Variants in ELMO1 observed in about 807,000 individuals in gnomAD.
ELMO1 encodes the protein engulfment and cell motility protein 1.
In ELMO1, 26 loss-of-function variants were observed where a neutral mutation model predicts 98.9. The observed-to-expected ratio is 0.26, with a 90% CI of 0.19 to 0.36. ELMO1 has a LOEUF of 0.36. Among genes scored for constraint, ELMO1 ranks in the 10% least tolerant of loss-of-function variants. The pLI is 1.00. For synonymous variants in ELMO1, 346 were observed against 346.0 expected (o/e 1.00, Z 0.00); for missense variants, 627 against 935.2 (o/e 0.67, Z 4.30).
At chr7:37,226,827 A>G (rs1563089085) in intron 8 of ELMO1, among the ~76,000 whole-genome samples, 2 of 152,296 alleles carry the variant, frequency 1.3e-5, no homozygotes, top group East Asian at 3.9e-4. Context: ...GATCCATTTC[A>G]GTAACATGCA....
intron 13 of ELMO1, chr7:37,211,175 A>T (rs1285173873): frequency 3.3e-6 from 2 of 606,564 alleles, no homozygotes; most frequent in Admixed American, 6.4e-5. Flanking sequence ...CAAATGCAGT[A>T]TTAGTCACAC....
At chr7:37,122,138 A>G (rs534944122) in intron 14 of ELMO1, among the ~76,000 whole-genome samples, 7 of 152,214 alleles carry the variant, frequency 4.6e-5, no homozygotes, top group Non-Finnish European at 8.8e-5. Flanking sequence ...TGAAGGAAGC[A>G]CTAAACATGG....
chr7:37,295,188 T>C (rs1042669788), intron 4 of ELMO1, among the ~76,000 whole-genome samples: 3 of 152,192 alleles, frequency 2.0e-5, no homozygotes, highest in African/African-American at 7.2e-5. Context: ...AATTTCAGGC[T>C]ACTACTTACC....
At chr7:37,297,867 TAAGTCTA>T (rs1798122459) in intron 4 of ELMO1, among the ~76,000 whole-genome samples, 1 of 152,238 alleles carries the variant, frequency 6.6e-6, no homozygotes, top group Non-Finnish European at 1.5e-5. Context: ...TGCTATATAT[TAAGTCTA>T]GAGCTGTGAA....
chr7:37,321,724 A>AAAAAAAAAAAAAC, intron 2 of ELMO1, among the ~76,000 whole-genome samples: 1 of 148,800 alleles, frequency 6.7e-6, no homozygotes, highest in African/African-American at 2.5e-5. Flanking sequence ...CTCAAAAAAA[A>AAAAAAAAAAAAAC]AAAAAAAAAA....
intron 15 of ELMO1, among the ~76,000 whole-genome samples, chr7:37,039,160 C>A (rs962543064): frequency 6.6e-6 from 1 of 152,116 alleles, no homozygotes; most frequent in African/African-American, 2.4e-5. Flanking sequence ...TTTGCAAGGA[C>A]AACCACATGG....
At chr7:37,290,049 A>T (rs930510553) in intron 4 of ELMO1, among the ~76,000 whole-genome samples, 1 of 152,208 alleles carries the variant, frequency 6.6e-6, no homozygotes, top group Admixed American at 6.5e-5. Context: ...CGCTAATTCA[A>T]TTAGGATGGG....
chr7:37,157,387 C>A (rs556254944), intron 13 of ELMO1, among the ~76,000 whole-genome samples: 2 of 152,284 alleles, frequency 1.3e-5, no homozygotes, highest in African/African-American at 4.8e-5. Context: ...TCTCTGCTTG[C>A]AGATGACATG....
chr7:37,097,878 G>A (rs1049501328), intron 14 of ELMO1, among the ~76,000 whole-genome samples: 5 of 152,128 alleles, frequency 3.3e-5, no homozygotes, highest in South Asian at 4.1e-4. Flanking sequence ...TTCCCCTTTC[G>A]TTGCTCAATC....
intron 16 of ELMO1, among the ~76,000 whole-genome samples, chr7:36,920,632 TA>T (rs1160014760): frequency 6.6e-6 from 1 of 152,186 alleles, no homozygotes; most frequent in East Asian, 1.9e-4. Context: ...GAAAGGCTTT[TA>T]AAAAAATCTG....
intron 2 of ELMO1, among the ~76,000 whole-genome samples, chr7:37,336,762 A>G (rs890245789): frequency 6.6e-5 from 10 of 152,206 alleles, no homozygotes; most frequent in Non-Finnish European, 1.2e-4. Context: ...GGAGCCCTGT[A>G]GAGAGGTAAA....
At chr7:37,078,368 A>T (rs1797695602) in intron 15 of ELMO1, among the ~76,000 whole-genome samples, 1 of 152,176 alleles carries the variant, frequency 6.6e-6, no homozygotes, top group Admixed American at 6.5e-5. Context: ...CTCTATCATA[A>T]ATATGCATAA....
At chr7:37,246,791 A>ATAGATAGATAGATAGATAG (rs1562550743) in intron 6 of ELMO1, among the ~76,000 whole-genome samples, 1 of 145,736 alleles carries the variant, frequency 6.9e-6, no homozygotes, top group African/African-American at 2.7e-5. Flanking sequence ...TAGATAGATA[A>ATAGATAGATAGATAGATAG]ACAGACAGAT....
intron 13 of ELMO1, among the ~76,000 whole-genome samples, chr7:37,157,132 C>T (rs1788832087): frequency 6.6e-6 from 1 of 152,196 alleles, no homozygotes; most frequent in Admixed American, 6.5e-5. Flanking sequence ...ATGCTAAAAA[C>T]TCTCAATAAA....
chr7:37,240,865 T>G (rs1232381506), intron 7 of ELMO1, among the ~76,000 whole-genome samples: 1 of 152,180 alleles, frequency 6.6e-6, no homozygotes, highest in African/African-American at 2.4e-5. Context: ...ATTTGAAAAT[T>G]CTTGAGCCTT....
intron 1 of ELMO1, among the ~76,000 whole-genome samples, chr7:37,352,230 T>C (rs566034156): frequency 2.6e-5 from 4 of 152,286 alleles, no homozygotes; most frequent in East Asian, 1.9e-4. Flanking sequence ...CAGAATGAAA[T>C]CTACATGTCT....
chr7:36,979,637 G>A (rs1790877014), intron 16 of ELMO1, among the ~76,000 whole-genome samples: 1 of 152,216 alleles, frequency 6.6e-6, no homozygotes, highest in South Asian at 2.1e-4. Context: ...GCATTAAGTA[G>A]TCTAGGTCTA....
intron 16 of ELMO1, among the ~76,000 whole-genome samples, chr7:36,973,848 T>C (rs1430486789): frequency 6.6e-6 from 1 of 152,232 alleles, no homozygotes; most frequent in Non-Finnish European, 1.5e-5. Flanking sequence ...CAGCCGGCCC[T>C]GCCGTTGCCG....
rs536954701 is a variant in ELMO1, at chr7:37,384,690, G to A, written c.-73-41927C>T. Among the ~76,000 whole-genome samples the A allele has an allele frequency of 7.2e-5, 11 of 151,844 alleles. 1 individual carries two copies. The highest frequency in any genetic ancestry group is 1.9e-4 in the African/African-American group (8 of 41,382). ...AGCCGAGATAGAGCCACTGCAGTCCGGCCTGGGCGAAAGAGCAAGACTCCG... is the reference window on the plus strand; with the variant it reads ...AGCCGAGATAGAGCCACTGCAGTCCAGCCTGGGCGAAAGAGCAAGACTCCG... On this transcript the variant is annotated intron_variant, in intron 1 of 21. Transcript: ENST00000310758.
Sources: allele counts gnomAD v4.1 joint callset (sites outside exome capture counted in the v4.1 genomes callset), GRCh38; gene constraint gnomAD v4.1.1; transcripts MANE v1.5; gene names NCBI Gene and HGNC (gene_info 2026-07-23, HGNC 2026-07-21).